STK38L: variants seen among roughly 807,000 people sequenced by gnomAD.
STK38L encodes serine/threonine-protein kinase 38-like.
A neutral mutation model predicts 59.7 loss-of-function variants in STK38L; 28 were observed. That is an observed-to-expected ratio of 0.47 (90% CI 0.35 to 0.64). The LOEUF (loss-of-function observed/expected upper bound fraction) is 0.64, where lower values mean the gene tolerates loss of function less well. Among genes scored for constraint, STK38L ranks in the 30% least tolerant of loss-of-function variants. The pLI, the probability that STK38L is intolerant of heterozygous loss-of-function variation, is 0.01. For synonymous variants in STK38L, 162 were observed against 176.8 expected (o/e 0.92, Z 0.66); for missense variants, 314 against 555.8 (o/e 0.56, Z 4.37).
intron 2 of STK38L, among the ~76,000 whole-genome samples, chr12:27,301,649 T>G (rs983270838): frequency 1.5e-4 from 23 of 152,194 alleles, no homozygotes; most frequent in African/African-American, 5.3e-4. Context: ...CATTGAACAT[T>G]TTTCCTTCAT....
chr12:27,302,014 G>A (rs1225356725), intron 2 of STK38L, 123 bp from the exon 3 acceptor site: 4 of 691,916 alleles, frequency 5.8e-6, no homozygotes, highest in Non-Finnish European at 8.8e-6. Flanking sequence ...GATCCAACTT[G>A]AAAGTTTTTT....
chr12:27,263,482 G>T (rs10506017), intron 1 of STK38L, among the ~76,000 whole-genome samples: 27,436 of 152,148 alleles, frequency 0.18, 2,754 homozygotes, highest in Non-Finnish European at 0.23. Flanking sequence ...AAGATGCTTT[G>T]AGGACCCCAG....
chr12:27,322,546 C>A lies in STK38L; in HGVS notation c.*91C>A. 6.7e-7 allele frequency: 1 copy of A among 1,491,562 alleles called. No individual in the cohort carries two copies. The allele number at this position is 1,491,562 out of a possible 1,614,324, so 92.4% of individuals were successfully genotyped here. ...TAGATAACAATACACTGAAATACTC[C>A]TGAAGATGGTGGTGCTTATTGACTA... On this transcript the variant is annotated 3_prime_UTR_variant, in exon 14 of 14. Transcript: ENST00000389032.
intron 1 of STK38L, among the ~76,000 whole-genome samples, chr12:27,278,101 G>C (rs1245849936): frequency 1.3e-5 from 2 of 152,228 alleles, no homozygotes; most frequent in Non-Finnish European, 2.9e-5. Context: ...GCTGGCCACA[G>C]TTTAGGCATA....
chr12:27,256,230 C>G (rs1943089558), intron 1 of STK38L, among the ~76,000 whole-genome samples: 1 of 152,212 alleles, frequency 6.6e-6, no homozygotes, highest in South Asian at 2.1e-4. Context: ...CTGTCCTAAA[C>G]TTGAATCTCA....
At chr12:27,307,309 T>C (rs1363615886) in intron 3 of STK38L, among the ~76,000 whole-genome samples, 4 of 152,236 alleles carry the variant, frequency 2.6e-5, no homozygotes, top group Non-Finnish European at 5.9e-5. Flanking sequence ...AGATTAACTT[T>C]GTTAGAAGTA....
intron 6 of STK38L, among the ~76,000 whole-genome samples, chr12:27,314,018 A>G (rs1944523802): frequency 6.6e-6 from 1 of 152,174 alleles, no homozygotes; most frequent in Admixed American, 6.5e-5. Flanking sequence ...TAAAACCATT[A>G]AAAGTCATGA....
At chr12:27,289,229 G>T (rs16931837) in intron 1 of STK38L, among the ~76,000 whole-genome samples, 15,464 of 152,022 alleles carry the variant, frequency 0.1, 1,052 homozygotes, top group East Asian at 0.31. Flanking sequence ...AGAAAGACAG[G>T]GTGATAGTTT....
At chr12:27,261,087 T>TC (rs1469473173) in intron 1 of STK38L, among the ~76,000 whole-genome samples, 1 of 152,236 alleles carries the variant, frequency 6.6e-6, no homozygotes, top group Non-Finnish European at 1.5e-5. Context: ...TAAATTGCTC[T>TC]CCGGTTTCCC....
Position 27,322,459 on chromosome 12 carries a change from A to G in STK38L, c.*4A>G, listed in dbSNP as rs1371023174. 4.3e-6 allele frequency: 7 copies of G among 1,611,522 alleles called. No homozygotes were observed. Among genetic ancestry groups the G allele is most frequent in the Middle Eastern group, 3.3e-4 (2 of 6,062 alleles). ...CATGAAAGCTGGGAAGTTATGAATGAAGATAACATTCACCCATAACCAAGA... is the reference window on the plus strand; with the variant it reads ...CATGAAAGCTGGGAAGTTATGAATGGAGATAACATTCACCCATAACCAAGA... On this transcript the variant is annotated 3_prime_UTR_variant, in exon 14 of 14. Coordinates refer to ENST00000389032, the MANE Select transcript of STK38L (RefSeq NM_015000.4).
chr12:27,268,774 G>A (rs1461465816), intron 1 of STK38L, among the ~76,000 whole-genome samples: 4 of 152,104 alleles, frequency 2.6e-5, no homozygotes, highest in Non-Finnish European at 5.9e-5. Flanking sequence ...ATCCTCTCCA[G>A]CACCTGTTGT....
intron 1 of STK38L, among the ~76,000 whole-genome samples, chr12:27,260,780 A>G (rs1270504880): frequency 1.3e-5 from 2 of 152,132 alleles, no homozygotes; most frequent in African/African-American, 4.8e-5. Context: ...TCGCCCCACT[A>G]GAATATAAGA....
intron 1 of STK38L, among the ~76,000 whole-genome samples, chr12:27,244,770 G>A: frequency 6.6e-6 from 1 of 152,164 alleles, no homozygotes; most frequent in East Asian, 1.9e-4. Context: ...GGCTGTTTGT[G>A]TACCGTTCCT....
chr12:27,320,655 T>C (rs1182457466), intron 12 of STK38L, among the ~76,000 whole-genome samples: 1 of 152,142 alleles, frequency 6.6e-6, no homozygotes, highest in East Asian at 1.9e-4. Context: ...GTACTTTACT[T>C]GCGTTTCTCA....
chr12:27,292,063 AAC>A (rs1943908929), intron 1 of STK38L, among the ~76,000 whole-genome samples: 1 of 152,248 alleles, frequency 6.6e-6, no homozygotes, highest in Non-Finnish European at 1.5e-5. Context: ...GTCTGGAGAA[AAC>A]ACACGTGAAC....
intron 2 of STK38L, among the ~76,000 whole-genome samples, chr12:27,298,892 C>G (rs577685430): frequency 6.6e-6 from 1 of 152,076 alleles, no homozygotes; most frequent in African/African-American, 2.4e-5. Context: ...TAGTGGAGAG[C>G]CTTGGATGTT....
chr12:27,306,617 T>G (rs1177302367), intron 3 of STK38L, among the ~76,000 whole-genome samples: 1 of 152,148 alleles, frequency 6.6e-6, no homozygotes, highest in Non-Finnish European at 1.5e-5. Context: ...TTCTTAATTA[T>G]ATCAATGTAA....
chr12:27,250,996 CA>C (rs34643896), intron 1 of STK38L, among the ~76,000 whole-genome samples: 8,158 of 104,938 alleles, frequency 0.078, 179 homozygotes, highest in Non-Finnish European at 0.1. Context: ...GACTCTGTCT[CA>C]AAAAAAAAAA....
At chr12:27,251,835 G>A (rs564850713) in intron 1 of STK38L, among the ~76,000 whole-genome samples, 77 of 152,284 alleles carry the variant, frequency 5.1e-4, no homozygotes, top group African/African-American at 1.8e-3. Context: ...TAATTCTTAA[G>A]TTATTGTCTA....
Sources: allele counts gnomAD v4.1 joint callset (sites outside exome capture counted in the v4.1 genomes callset), GRCh38; gene constraint gnomAD v4.1.1; transcripts MANE v1.5; gene names NCBI Gene and HGNC (gene_info 2026-07-23, HGNC 2026-07-21).